PLAG1: variants seen among roughly 807,000 people sequenced by gnomAD.
PLAG1 encodes zinc finger protein PLAG1.
PLAG1 carries 7 observed loss-of-function variants against 35.5 expected under a neutral mutation model. That is an observed-to-expected ratio of 0.20 (90% CI 0.11 to 0.37). PLAG1 has a LOEUF of 0.37. Ranked by LOEUF, PLAG1 falls within the 10% of genes least tolerant of loss-of-function variation. The pLI, the probability that PLAG1 is intolerant of heterozygous loss-of-function variation, is 1.00. For synonymous variants in PLAG1, 229 were observed against 225.4 expected, an observed-to-expected ratio of 1.02 and a Z score of -0.14; for missense variants, 454 against 602.8, an observed-to-expected ratio of 0.75 and a Z score of 2.58.
chr8:56,169,888 C>G (rs528560010), intron 3 of PLAG1, among the ~76,000 whole-genome samples: 94 of 152,328 alleles, frequency 6.2e-4, no homozygotes, highest in South Asian at 3.5e-3. Context: ...CCTGCAACCT[C>G]TTTTAAAACC....
intron 2 of PLAG1, chr8:56,177,967 C>T: frequency 2.2e-6 from 2 of 912,560 alleles, no homozygotes; most frequent in Non-Finnish European, 2.6e-6. Context: ...ACGTGCTACC[C>T]AGAGCCCGCC....
intron 1 of PLAG1, among the ~76,000 whole-genome samples, chr8:56,180,831 T>C (rs1193710158): frequency 6.6e-6 from 1 of 152,056 alleles, no homozygotes; most frequent in Admixed American, 6.6e-5. Context: ...AGGGATAATA[T>C]CCAGAATCTA....
chr8:56,197,378 C>G (rs1269263864), intron 1 of PLAG1, among the ~76,000 whole-genome samples: 1 of 152,202 alleles, frequency 6.6e-6, no homozygotes, highest in Admixed American at 6.5e-5. Flanking sequence ...TCACTCTCTC[C>G]CCCAGTCCAG....
At chr8:56,186,632 T>TA (rs779977568) in intron 1 of PLAG1, among the ~76,000 whole-genome samples, 2 of 151,490 alleles carry the variant, frequency 1.3e-5, no homozygotes, top group Non-Finnish European at 2.9e-5. Flanking sequence ...CTTGGCCTCT[T>TA]AAAGTGTTGG....
intron 3 of PLAG1, among the ~76,000 whole-genome samples, chr8:56,168,756 G>A (rs1027151247): frequency 2.0e-5 from 3 of 152,170 alleles, no homozygotes; most frequent in Admixed American, 1.3e-4. Flanking sequence ...GACTAAAAAC[G>A]TTTCAGCAAA....
chr8:56,188,142 A>T (rs1237400969), intron 1 of PLAG1, among the ~76,000 whole-genome samples: 1 of 152,228 alleles, frequency 6.6e-6, no homozygotes, highest in Non-Finnish European at 1.5e-5. Flanking sequence ...TGTGAGTTCT[A>T]CAACACAGGA....
intron 2 of PLAG1, chr8:56,178,152 T>G: frequency 9.6e-6 from 2 of 208,752 alleles, no homozygotes; most frequent in Non-Finnish European, 1.7e-5. Flanking sequence ...CAAAGTAAAA[T>G]TCAAAATCTT....
At chr8:56,199,697 C>G (rs1281708315) in intron 1 of PLAG1, among the ~76,000 whole-genome samples, 2 of 151,902 alleles carry the variant, frequency 1.3e-5, no homozygotes, top group African/African-American at 2.4e-5. Flanking sequence ...CTAGACCAAC[C>G]CTTCCTGGCA....
chr8:56,204,908 T>A (rs1812656686), intron 1 of PLAG1, among the ~76,000 whole-genome samples: 3 of 151,894 alleles, frequency 2.0e-5, no homozygotes, highest in Admixed American at 6.6e-5. Context: ...TCTCTCAAAA[T>A]ATTTTCTAAT....
chr8:56,166,904 G>A lies in PLAG1; in HGVS notation c.842C>T (p.Pro281Leu). Residue 281 changes from proline (P) to leucine (L), a missense_variant, in exon 5 of 5, where the codon CCA becomes CTA. Coordinates refer to ENST00000316981, the MANE Select transcript of PLAG1 (RefSeq NM_002655.3). ...GTTTAACTGCAAAGTGTTTGTGAAT[G>A]GCTTTGATAACAGTTCACTGGAAGG... ...SLPSSELLSK[P>L]FTNTLQLNLY... is the part of the protein sequence containing the mutation. 1 of 1,614,044 alleles carries A rather than the reference G, an allele frequency of 6.2e-7. No homozygotes were observed. The highest frequency in any genetic ancestry group is 8.5e-7 in the Non-Finnish European group (1 of 1,179,924).
intron 2 of PLAG1, among the ~76,000 whole-genome samples, chr8:56,175,517 A>C (rs1252282270): frequency 6.6e-6 from 1 of 152,236 alleles, no homozygotes; most frequent in Non-Finnish European, 1.5e-5. Context: ...TACACTATTT[A>C]CTTTCCTAAA....
chr8:56,208,312 T>C, intron 1 of PLAG1, among the ~76,000 whole-genome samples: 1 of 152,170 alleles, frequency 6.6e-6, no homozygotes, highest in Non-Finnish European at 1.5e-5. Flanking sequence ...GAGTTTCCCT[T>C]CTCTATTGAT....
chr8:56,182,180 G>A (rs1279059147), intron 1 of PLAG1, among the ~76,000 whole-genome samples: 1 of 152,214 alleles, frequency 6.6e-6, no homozygotes, highest in Non-Finnish European at 1.5e-5. Flanking sequence ...GGAGAGGGAG[G>A]AAAGGAAGTG....
At chr8:56,188,581 C>G (rs2129230202) in intron 1 of PLAG1, among the ~76,000 whole-genome samples, 2 of 152,306 alleles carry the variant, frequency 1.3e-5, no homozygotes, top group South Asian at 4.1e-4. Context: ...TATCACAATG[C>G]TGGACTTGTT....
chr8:56,186,592 T>C (rs1585801783), intron 1 of PLAG1, among the ~76,000 whole-genome samples: 1 of 151,980 alleles, frequency 6.6e-6, no homozygotes, highest in East Asian at 1.9e-4. Flanking sequence ...AGGCTGGTCT[T>C]GAACTCCTGA....
intron 1 of PLAG1, among the ~76,000 whole-genome samples, chr8:56,183,144 A>G (rs2129228839): frequency 6.6e-6 from 1 of 152,298 alleles, no homozygotes; most frequent in East Asian, 1.9e-4. Context: ...ACTTGCAATA[A>G]AGGATTAAAT....
intron 2 of PLAG1, among the ~76,000 whole-genome samples, chr8:56,173,145 C>T (rs920813819): frequency 6.6e-6 from 1 of 152,006 alleles, no homozygotes; most frequent in Admixed American, 6.6e-5. Flanking sequence ...ACAATAAAAA[C>T]CTTTAGCATC....
chr8:56,189,503 CTATCAAGG>C (rs1812120402), intron 1 of PLAG1, among the ~76,000 whole-genome samples: 1 of 152,156 alleles, frequency 6.6e-6, no homozygotes, highest in Non-Finnish European at 1.5e-5. Context: ...TTTAATTTAA[CTATCAAGG>C]TATCATGGTG....
chr8:56,171,299 T>C (rs1192221636), intron 2 of PLAG1, 110 bp from the exon 3 acceptor site: 1 of 158,842 alleles, frequency 6.3e-6, no homozygotes, highest in Admixed American at 6.5e-5. Flanking sequence ...TTACATTCCA[T>C]ACTCTGCTTA....
Sources: gnomAD v4.1 joint callset for allele counts (sites outside exome capture counted in the v4.1 genomes callset) on GRCh38, gnomAD v4.1.1 for gene constraint, MANE v1.5 for transcripts, NCBI Gene and HGNC (gene_info 2026-07-23, HGNC 2026-07-21) for gene names.